Variants in ADGRL2 observed in about 807,000 individuals in gnomAD.
ADGRL2 encodes the protein calcium-independent alpha-latrotoxin receptor 2.
In ADGRL2, 44 loss-of-function variants were observed where a neutral mutation model predicts 157.4. The ratio of observed to expected loss-of-function variants is 0.28; its 90% CI spans 0.22 to 0.36. ADGRL2 has a LOEUF of 0.36. ADGRL2 is among the 10% of genes least tolerant of loss of function. ADGRL2 has a pLI of 1.00. For missense variants in ADGRL2, 1,510 were observed against 1,768.9 expected (o/e 0.85, Z 2.63); for synonymous variants, 585 against 624.7 (o/e 0.94, Z 0.95).
intron 1 of ADGRL2, among the ~76,000 whole-genome samples, chr1:81,312,308 A>G (rs12071621): frequency 0.45 from 67,799 of 152,132 alleles, 15,509 homozygotes; most frequent in Middle Eastern, 0.55. Flanking sequence ...ATGTGGAGGT[A>G]GAGCCTGTCA....
chr1:81,990,923 C>T lies in ADGRL2; in HGVS notation c.4188C>T (p.Ser1396=), dbSNP rs116188578. 3.1e-6 allele frequency: 5 copies of T among 1,614,072 alleles called. No individual in the cohort carries two copies. The highest frequency in any genetic ancestry group is 1.7e-5 in the Admixed American group (1 of 60,020). ...TTAGAGACTCTCCCTATCCGGAGAG[C>T]AGCCCTGACATGGAAGAAGACCTCT... ...PNLRDSPYPE[S]SPDMEEDLSP... is the part of the protein sequence containing the mutation. Residue 1396 remains serine, a synonymous_variant, in exon 24 of 24, where the codon AGC becomes AGT. Transcript: ENST00000686636.
intron 2 of ADGRL2, among the ~76,000 whole-genome samples, chr1:81,544,885 G>T (rs180734066): frequency 1.3e-5 from 2 of 152,080 alleles, no homozygotes; most frequent in Admixed American, 1.3e-4. Flanking sequence ...AATTCTGCAC[G>T]AACTCTTGAT....
intron 2 of ADGRL2, chr1:81,557,482 G>GAAGAAAGAAAGAAAGAAAGAAAGA (rs58652638): frequency 1.0e-4 from 12 of 120,064 alleles, no homozygotes; most frequent in Non-Finnish European, 1.4e-4. Flanking sequence ...AAGAAAGAAA[G>GAAGAAAGAAAGAAAGAAAGAAAGA]AAGAAAGAAA....
chr1:81,948,264 TC>T (rs1248610656), intron 6 of ADGRL2, among the ~76,000 whole-genome samples: 7 of 61,476 alleles, frequency 1.1e-4, no homozygotes, highest in Non-Finnish European at 2.3e-4. Flanking sequence ...AAATAAATTA[TC>T]AAAAAAAAAA....
At chr1:81,533,556 C>T (rs1230157590) in intron 2 of ADGRL2, among the ~76,000 whole-genome samples, 2 of 152,102 alleles carry the variant, frequency 1.3e-5, no homozygotes, top group Non-Finnish European at 2.9e-5. Flanking sequence ...TTAAAGTCTG[C>T]AGGCTTCTTT....
At chr1:81,458,006 A>T (rs1202440422) in intron 2 of ADGRL2, among the ~76,000 whole-genome samples, 1 of 152,212 alleles carries the variant, frequency 6.6e-6, no homozygotes, top group African/African-American at 2.4e-5. Context: ...AGCTACTATG[A>T]TGCTTTCACT....
intron 2 of ADGRL2, among the ~76,000 whole-genome samples, chr1:81,903,585 A>G (rs959268361): frequency 6.6e-6 from 1 of 151,640 alleles, no homozygotes; most frequent in Non-Finnish European, 1.5e-5. Flanking sequence ...TTTATTTTTT[A>G]TGTTGTTGAA....
intron 1 of ADGRL2, among the ~76,000 whole-genome samples, chr1:81,740,916 A>G (rs1426101760): frequency 6.6e-6 from 1 of 152,172 alleles, no homozygotes; most frequent in African/African-American, 2.4e-5. Context: ...AAGCAGAGTG[A>G]TGGATTATAG....
intron 2 of ADGRL2, among the ~76,000 whole-genome samples, chr1:81,491,834 C>T (rs1039398643): frequency 5.3e-5 from 8 of 152,008 alleles, no homozygotes; most frequent in Non-Finnish European, 1.0e-4. Context: ...ATACTGTGCT[C>T]GCGAAATGTT....
At chr1:81,552,559 T>C (rs2080172651) in intron 2 of ADGRL2, among the ~76,000 whole-genome samples, 1 of 149,024 alleles carries the variant, frequency 6.7e-6, no homozygotes, top group Admixed American at 6.7e-5. Flanking sequence ...AATTTGATGT[T>C]TACTAGATGA....
chr1:81,791,451 T>C (rs78233168), intron 2 of ADGRL2, among the ~76,000 whole-genome samples: 4,229 of 152,202 alleles, frequency 0.028, 94 homozygotes, highest in East Asian at 0.055. Context: ...CAAAAACACA[T>C]TGAGATACCA....
intron 1 of ADGRL2, among the ~76,000 whole-genome samples, chr1:81,397,522 T>G (rs143082523): frequency 7.4e-4 from 112 of 152,134 alleles, no homozygotes; most frequent in Middle Eastern, 3.4e-3. Context: ...GGTTTCACTG[T>G]GTTAGCCAGG....
intron 1 of ADGRL2, chr1:81,722,708 A>T: frequency 1.0e-6 from 1 of 991,608 alleles, no homozygotes; most frequent in Non-Finnish European, 1.6e-6. Context: ...AGTATGAGCG[A>T]AACGTGAAGA....
rs1659825517 is a variant in ADGRL2 at position 81,312,503 on chromosome 1, G to A, written c.-302+5994G>A. On this transcript the variant is annotated intron_variant, in intron 1 of 24. Coordinates refer to the ADGRL2 transcript ENST00000370721. The stretch of plus-strand genomic sequence containing the variant: ...CCCCTTCTGGGTGCCAGGGCCCAGG[G>A]GAAAGGTCCCAGTTCCTCCAAATAT... Among the ~76,000 whole-genome samples the A allele has an allele frequency of 2.6e-5, 4 of 152,152 alleles. No homozygotes were observed. The South Asian group carries it at 8.3e-4, about 32-fold the overall frequency.
chr1:81,710,324 T>A (rs1441393917), intron 1 of ADGRL2, among the ~76,000 whole-genome samples: 1 of 152,096 alleles, frequency 6.6e-6, no homozygotes, highest in South Asian at 2.1e-4. Context: ...CAAAAATTAT[T>A]GAGGATTCTA....
intron 2 of ADGRL2, among the ~76,000 whole-genome samples, chr1:81,778,965 G>T (rs112555523): frequency 0.018 from 2,745 of 152,242 alleles, 85 homozygotes; most frequent in African/African-American, 0.061. Context: ...GTGAACAAGT[G>T]CATATAAATA....
chr1:81,388,494 T>C (rs1325416929), intron 1 of ADGRL2, among the ~76,000 whole-genome samples: 1 of 152,188 alleles, frequency 6.6e-6, no homozygotes, highest in Non-Finnish European at 1.5e-5. Flanking sequence ...TACTATGGTC[T>C]GAATGTTTTA....
intron 1 of ADGRL2, among the ~76,000 whole-genome samples, chr1:81,360,589 G>A (rs1486841778): frequency 1.3e-5 from 2 of 151,866 alleles, no homozygotes; most frequent in African/African-American, 4.8e-5. Context: ...TTTTAAAAAT[G>A]TGCTTACTTT....
chr1:81,416,940 C>G (rs2077043219), intron 1 of ADGRL2, among the ~76,000 whole-genome samples: 1 of 152,072 alleles, frequency 6.6e-6, no homozygotes, highest in South Asian at 2.1e-4. Flanking sequence ...GGCATAGATC[C>G]CAAGAATTTA....
Sources: gnomAD v4.1 joint callset for allele counts (sites outside exome capture counted in the v4.1 genomes callset) on GRCh38, gnomAD v4.1.1 for gene constraint, MANE v1.5 for transcripts, NCBI Gene and HGNC (gene_info 2026-07-23, HGNC 2026-07-21) for gene names.